DIS3L2: variants seen among roughly 807,000 people sequenced by gnomAD.
The protein encoded by DIS3L2 is DIS3-like exonuclease 2.
A neutral mutation model predicts 97.5 loss-of-function variants in DIS3L2; 34 were observed. The ratio of observed to expected loss-of-function variants is 0.35; its 90% CI spans 0.27 to 0.46. The LOEUF (loss-of-function observed/expected upper bound fraction) is 0.46, where lower values mean the gene tolerates loss of function less well. DIS3L2 is among the 20% of genes least tolerant of loss of function. The probability of loss-of-function intolerance (pLI) is 1.00; values close to 1 mark genes in which losing one functional copy is unlikely to be tolerated. For missense variants in DIS3L2, 1,038 were observed against 1,146.0 expected (o/e 0.91, Z 1.36); for synonymous variants, 435 against 445.2 (o/e 0.98, Z 0.29).
intron 6 of DIS3L2, among the ~76,000 whole-genome samples, chr2:232,113,270 G>C (rs1697593783): frequency 6.6e-6 from 1 of 152,092 alleles, no homozygotes; most frequent in South Asian, 2.1e-4. Context: ...AATTCTTTGT[G>C]GGCTATAAGT....
intron 9 of DIS3L2, among the ~76,000 whole-genome samples, chr2:232,165,882 C>T (rs984710218): frequency 1.3e-5 from 2 of 152,022 alleles, no homozygotes; most frequent in Non-Finnish European, 2.9e-5. Context: ...ATGTGAAAGT[C>T]ACAAAATAGA....
chr2:232,318,641 G>A (rs2106337370), intron 14 of DIS3L2, among the ~76,000 whole-genome samples: 1 of 152,310 alleles, frequency 6.6e-6, no homozygotes, highest in East Asian at 1.9e-4. Context: ...GCTGGGTGCT[G>A]TTGCCCTCTG....
chr2:232,187,740 T>C (rs772142980), intron 9 of DIS3L2, among the ~76,000 whole-genome samples: 2 of 152,174 alleles, frequency 1.3e-5, no homozygotes, highest in Non-Finnish European at 2.9e-5. Flanking sequence ...TGTGCCTGAA[T>C]GTTTATATCA....
intron 1 of DIS3L2, among the ~76,000 whole-genome samples, chr2:231,969,557 C>T (rs1009847465): frequency 2.2e-4 from 34 of 152,098 alleles, no homozygotes; most frequent in Admixed American, 1.7e-3. Flanking sequence ...ATGATCTGTC[C>T]GCCTCAGCCT....
chr2:232,295,628 C>T (rs1302998749), intron 13 of DIS3L2, among the ~76,000 whole-genome samples: 1 of 152,212 alleles, frequency 6.6e-6, no homozygotes, highest in African/African-American at 2.4e-5. Flanking sequence ...CACATCCTCT[C>T]ATCCTTTCCC....
chr2:232,237,813 A>G (rs2106251241), intron 10 of DIS3L2, among the ~76,000 whole-genome samples: 1 of 152,234 alleles, frequency 6.6e-6, no homozygotes, highest in Admixed American at 6.5e-5. Context: ...AGATTTTGAT[A>G]GGCAGATCCT....
intron 13 of DIS3L2, among the ~76,000 whole-genome samples, chr2:232,271,368 A>G (rs558582074): frequency 3.3e-5 from 5 of 152,340 alleles, no homozygotes; most frequent in Admixed American, 6.5e-5. Flanking sequence ...TTGGTCTGAC[A>G]TGAATAATTA....
downstream of DIS3L2, among the ~76,000 whole-genome samples, chr2:232,337,496 G>A (rs1282113733): frequency 6.6e-6 from 1 of 152,106 alleles, no homozygotes; most frequent in African/African-American, 2.4e-5. Context: ...ACTGGCTGCT[G>A]GTGACACAGC....
intron 10 of DIS3L2, among the ~76,000 whole-genome samples, chr2:232,228,564 A>AC (rs1247089908): frequency 4.6e-5 from 7 of 152,202 alleles, no homozygotes; most frequent in African/African-American, 1.4e-4. Flanking sequence ...TACTAAGTTC[A>AC]CCTTTATAGA....
At chr2:232,240,229 AT>A in intron 11 of DIS3L2, among the ~76,000 whole-genome samples, 1 of 152,324 alleles carries the variant, frequency 6.6e-6, no homozygotes, top group Non-Finnish European at 1.5e-5. Flanking sequence ...AACCTAGAAT[AT>A]TTGAGCAAAA....
chr2:232,194,389 A>G (rs1179321433), intron 9 of DIS3L2, among the ~76,000 whole-genome samples: 2 of 152,172 alleles, frequency 1.3e-5, no homozygotes, highest in Non-Finnish European at 2.9e-5. Flanking sequence ...AATACTGTGA[A>G]TCTACAAAAA....
At chr2:232,226,945 G>C (rs1038883503) in intron 10 of DIS3L2, among the ~76,000 whole-genome samples, 1 of 152,016 alleles carries the variant, frequency 6.6e-6, no homozygotes, top group African/African-American at 2.4e-5. Flanking sequence ...ACTCCAACTT[G>C]GGTGACAGAG....
rs11691464 is a variant in DIS3L2, at chr2:232,159,548, G to A, written c.951-3911G>A. On this transcript the variant is annotated intron_variant, in intron 8 of 20. Transcript: ENST00000325385. ...AGGAAGCTGGTCACTTCCATGACGG[G>A]AATTGTAGTCCTTTGTCCTGCTTAT... Among the ~76,000 whole-genome samples, 827 of 152,298 alleles carry A rather than the reference G, an allele frequency of 5.4e-3. 3 individuals are homozygous for A. The highest frequency in any genetic ancestry group is 9.4e-3 in the African/African-American group (391 of 41,562).
At chr2:232,341,788 TAAG>T (rs59440388), downstream of DIS3L2, among the ~76,000 whole-genome samples, 11,685 of 152,202 alleles carry the variant, frequency 0.077, 968 homozygotes, top group East Asian at 0.43. Context: ...GCCCAGGCCT[TAAG>T]AGACTGGCAG....
At chr2:232,278,215 G>A (rs1239657474) in intron 13 of DIS3L2, among the ~76,000 whole-genome samples, 1 of 151,982 alleles carries the variant, frequency 6.6e-6, no homozygotes, top group Non-Finnish European at 1.5e-5. Context: ...TGCCATTTCT[G>A]TGAAAGGGCA....
At chr2:232,263,073 C>T in intron 12 of DIS3L2, 134 bp from the exon 13 acceptor site, 1 of 938,404 alleles carries the variant, frequency 1.1e-6, no homozygotes, top group Non-Finnish European at 1.6e-6. Context: ...CTAGCCTGAA[C>T]CTGCCACCAT....
intron 12 of DIS3L2, among the ~76,000 whole-genome samples, chr2:232,252,417 TAAAAGA>T (rs1369199870): frequency 1.3e-5 from 2 of 151,786 alleles, no homozygotes; most frequent in African/African-American, 2.4e-5. Context: ...CTGAAAAAAA[TAAAAGA>T]AAAAGAAAAA....
At chr2:232,219,672 G>A (rs1692439903) in intron 10 of DIS3L2, among the ~76,000 whole-genome samples, 1 of 151,986 alleles carries the variant, frequency 6.6e-6, no homozygotes, top group Admixed American at 6.5e-5. Context: ...GCCCACGTGA[G>A]GCTCACTTCC....
intron 9 of DIS3L2, among the ~76,000 whole-genome samples, chr2:232,192,236 A>T (rs887347392): frequency 6.6e-6 from 1 of 152,170 alleles, no homozygotes; most frequent in African/African-American, 2.4e-5. Flanking sequence ...TCCTTTAATC[A>T]TTGAAATAAC....
Sources: gnomAD v4.1 joint callset for allele counts (sites outside exome capture counted in the v4.1 genomes callset) on GRCh38, gnomAD v4.1.1 for gene constraint, MANE v1.5 for transcripts, NCBI Gene and HGNC (gene_info 2026-07-23, HGNC 2026-07-21) for gene names.